The following TGFBR3 variants were observed in gnomAD, a reference collection of about 807,000 sequenced individuals.
The protein encoded by TGFBR3 is transforming growth factor beta receptor type 3.
In TGFBR3, 46 loss-of-function variants were observed where a neutral mutation model predicts 87.9. The observed-to-expected ratio is 0.52, with a 90% CI of 0.41 to 0.67. The LOEUF (loss-of-function observed/expected upper bound fraction) is 0.67. Among genes scored for constraint, TGFBR3 ranks in the 30% least tolerant of loss-of-function variants. The pLI is 0.00. For missense variants in TGFBR3, 866 were observed against 1,041.9 expected (o/e 0.83, Z 2.32); for synonymous variants, 381 against 391.6 (o/e 0.97, Z 0.32).
chr1:91,774,149 T>TC (rs11459676), intron 3 of TGFBR3, among the ~76,000 whole-genome samples: 4 of 70,774 alleles, frequency 5.7e-5, no homozygotes, highest in Non-Finnish European at 1.3e-4. Context: ...TATACTTTTC[T>TC]TTTTTTTTTT....
chr1:91,870,055 C>T (rs2450924), intron 1 of TGFBR3, among the ~76,000 whole-genome samples: 111,984 of 152,150 alleles, frequency 0.74, 41,606 homozygotes, highest in African/African-American at 0.85. Context: ...TAAGAATAAA[C>T]AGAATATTAA....
In TGFBR3 at chr1:91,831,472, C is replaced by T. The variant is rs140363795; in HGVS notation, c.61+29999G>A. On this transcript the variant is annotated intron_variant, in intron 2 of 16. Transcript: ENST00000212355. ...CATTCCCAGAAACATATGCTTCTGT[C>T]TTTATCAACCATGAACCAACTAAAC... Among the ~76,000 whole-genome samples the T allele has an allele frequency of 2.8e-3, 428 of 152,260 alleles. 3 individuals carry two copies. Among genetic ancestry groups the T allele is most frequent in the African/African-American group, 9.7e-3 (402 of 41,552 alleles).
chr1:91,890,409 CTTTTTTTTTTT>C (rs1175619952), upstream of TGFBR3, among the ~76,000 whole-genome samples: 14 of 60,364 alleles, frequency 2.3e-4, no homozygotes, highest in East Asian at 1.1e-3. Flanking sequence ...TCTCTATAAT[CTTTTTTTTTTT>C]TTTTTTTTTT....
At chr1:91,772,003 G>C (rs957078515) in intron 3 of TGFBR3, among the ~76,000 whole-genome samples, 1 of 152,068 alleles carries the variant, frequency 6.6e-6, no homozygotes, top group African/African-American at 2.4e-5. Flanking sequence ...GGCAGTGGAG[G>C]CAGCATGAGT....
At chr1:91,701,001 C>A (rs569734558) in intron 14 of TGFBR3, among the ~76,000 whole-genome samples, 12 of 152,168 alleles carry the variant, frequency 7.9e-5, no homozygotes, top group African/African-American at 2.4e-4. Flanking sequence ...AATCAACCAC[C>A]CATGGTTAAA....
chr1:91,697,272 T>TA (rs898222343), intron 15 of TGFBR3, among the ~76,000 whole-genome samples: 29 of 152,068 alleles, frequency 1.9e-4, no homozygotes, highest in African/African-American at 6.3e-4. Context: ...TTCCATAATT[T>TA]AAAAAAAATA....
chr1:91,732,374 C>A (rs116021560), intron 5 of TGFBR3, among the ~76,000 whole-genome samples: 2 of 152,134 alleles, frequency 1.3e-5, no homozygotes, highest in African/African-American at 4.8e-5. Context: ...CTGGGTCCCA[C>A]CCCCAGAGTT....
chr1:91,846,854 A>T (rs967080968), intron 2 of TGFBR3, among the ~76,000 whole-genome samples: 1 of 152,116 alleles, frequency 6.6e-6, no homozygotes, highest in African/African-American at 2.4e-5. Context: ...CTAATGTCAC[A>T]CAGAATTCCA....
intron 2 of TGFBR3, among the ~76,000 whole-genome samples, chr1:91,801,770 C>A (rs747222457): frequency 6.6e-6 from 1 of 152,048 alleles, no homozygotes; most frequent in African/African-American, 2.4e-5. Context: ...CCTTAAGAAA[C>A]CTTCCTCAAA....
chr1:91,789,048 AGCACTTTGGGAAGCCGAG>A (rs1195348577), intron 3 of TGFBR3, among the ~76,000 whole-genome samples: 1 of 152,224 alleles, frequency 6.6e-6, no homozygotes, highest in Non-Finnish European at 1.5e-5. Flanking sequence ...CTGTAATCCC[AGCACTTTGGGAAGCCGAG>A]GCTGACGGAT....
chr1:91,770,229 T>TA (rs768443099), intron 3 of TGFBR3, among the ~76,000 whole-genome samples: 133 of 140,586 alleles, frequency 9.5e-4, no homozygotes, highest in Non-Finnish European at 1.0e-3. Context: ...AACCCTGGAT[T>TA]AAAAAAAAAA....
In TGFBR3 at chr1:91,852,407, C is replaced by T. The variant is rs114170241; in HGVS notation, c.61+9064G>A. Among the ~76,000 whole-genome samples, 1,425 of 152,302 alleles carry T rather than the reference C, an allele frequency of 9.4e-3. 24 individuals are homozygous for T. Among genetic ancestry groups the T allele is most frequent in the African/African-American group, 0.032 (1,320 of 41,568 alleles). The stretch of plus-strand genomic sequence containing the variant: ...GTGTGTATGTGTGTGTGTGCGCATG[C>T]ATGTGTGTGTTGTGTTTGCACACGC... On this transcript the variant is annotated intron_variant, in intron 2 of 16. Transcript: ENST00000212355.
chr1:91,680,769 G>C lies in TGFBR3; in HGVS notation c.*2970C>G, dbSNP rs1287546090. 1.5e-5 allele frequency: 7 copies of C among 453,878 alleles called. No individual in the cohort carries two copies. Among genetic ancestry groups the C allele is most frequent in the Non-Finnish European group, 2.2e-5 (5 of 226,780 alleles). 28.1% of individuals were successfully genotyped at this position (453,878 alleles called of 1,614,324 possible). ...AGTTACAGTACAAAAAGACTGGCAC[G>C]CGTGTGAGCACCCCACACACACTCA... On this transcript the variant is annotated 3_prime_UTR_variant, in exon 17 of 17. Coordinates refer to ENST00000212355, the MANE Select transcript of TGFBR3 (RefSeq NM_003243.5).
chr1:91,869,627 G>A (rs1380263053), intron 1 of TGFBR3, among the ~76,000 whole-genome samples: 1 of 152,206 alleles, frequency 6.6e-6, no homozygotes, highest in Non-Finnish European at 1.5e-5. Flanking sequence ...TCACGCCACT[G>A]CATTCCAGCC....
chr1:91,801,666 A>G (rs144981905), intron 2 of TGFBR3, among the ~76,000 whole-genome samples: 34 of 152,314 alleles, frequency 2.2e-4, no homozygotes, highest in Admixed American at 4.6e-4. Context: ...TTCCCTGTAC[A>G]ATGGTTTCAA....
At chr1:91,856,990 A>G (rs1342102432) in intron 2 of TGFBR3, among the ~76,000 whole-genome samples, 3 of 152,274 alleles carry the variant, frequency 2.0e-5, no homozygotes, top group Non-Finnish European at 4.4e-5. Flanking sequence ...CTGAGTCTCA[A>G]TTTCCTTGTT....
rs1231327401 is a variant in TGFBR3, at chr1:91,852,339, A to C, written c.61+9132T>G. On this transcript the variant is annotated intron_variant, in intron 2 of 16. Transcript: ENST00000212355. ...ATACAGGGCAAGGGAATCTTTGAGA[A>C]ATGAACTCACCTTTCTCTCAACTAC... Among the ~76,000 whole-genome samples, 2 of 152,130 alleles carry C rather than the reference A, an allele frequency of 1.3e-5. 1 individual carries two copies. The highest frequency in any genetic ancestry group is 3.9e-4 in the East Asian group (2 of 5,180).
At chr1:91,849,128 A>T (rs190537502) in intron 2 of TGFBR3, among the ~76,000 whole-genome samples, 36 of 152,262 alleles carry the variant, frequency 2.4e-4, no homozygotes, top group African/African-American at 8.2e-4. Flanking sequence ...AGTCCTGGTC[A>T]TCATTTTCTC....
At chr1:91,796,744 G>C (rs1030721462) in intron 3 of TGFBR3, among the ~76,000 whole-genome samples, 5 of 152,184 alleles carry the variant, frequency 3.3e-5, no homozygotes, top group African/African-American at 1.2e-4. Flanking sequence ...TTTGAAACAG[G>C]GTTCTGCTCT....
Sources: gnomAD v4.1 joint callset for allele counts (sites outside exome capture counted in the v4.1 genomes callset) on GRCh38, gnomAD v4.1.1 for gene constraint, MANE v1.5 for transcripts, NCBI Gene and HGNC (gene_info 2026-07-23, HGNC 2026-07-21) for gene names.